The following FRMD4B variants were observed in gnomAD, a reference collection of about 807,000 sequenced individuals.
The protein encoded by FRMD4B is FERM domain-containing protein 4B.
A neutral mutation model predicts 141.5 loss-of-function variants in FRMD4B; 74 were observed. The ratio of observed to expected loss-of-function variants is 0.52; its 90% CI spans 0.43 to 0.63. The LOEUF is 0.63. Among genes scored for constraint, FRMD4B ranks in the 30% least tolerant of loss-of-function variants. FRMD4B has a pLI of 0.00. For synonymous variants in FRMD4B, 506 were observed against 467.9 expected (o/e 1.08, Z -1.05); for missense variants, 1,366 against 1,253.4 (o/e 1.09, Z -1.36).
rs184330651 is a variant in FRMD4B, at chr3:69,218,462, G to A, written c.732-83C>T. The A allele has an allele frequency of 9.1e-5, 58 of 638,658 alleles. 2 individuals are homozygous for A. The highest frequency in any genetic ancestry group is 3.7e-4 in the Middle Eastern group (1 of 2,716). The allele number at this position is 638,658 out of a possible 1,614,324, so 39.6% of individuals were successfully genotyped here. ...GAAAAGTGATTTAAAGAAACACCAC[G>A]TTTCTACTTTCCTTATTATAAGAAT... On this transcript the variant is annotated intron_variant, in intron 9 of 22. Transcript: ENST00000398540.
rs537420962 is a variant in FRMD4B, at chr3:69,536,625, G to T, written c.-129+5581C>A. On this transcript the variant is annotated intron_variant, in intron 1 of 5. Transcript: ENST00000459638. Reference sequence around the variant, plus strand: ...CAGGCCTGGCTTTTCAGATTCAGGAGACCTGGATGATCCTGCTGTGGAAGT... The same window carrying T: ...CAGGCCTGGCTTTTCAGATTCAGGATACCTGGATGATCCTGCTGTGGAAGT... The T allele has an allele frequency of 2.1e-4, 208 of 1,006,204 alleles. 2 individuals are homozygous for T. The highest frequency in any genetic ancestry group is 1.8e-3 in the Middle Eastern group (8 of 4,420). 62.3% of individuals were successfully genotyped at this position (1,006,204 alleles called of 1,614,324 possible). A position where few individuals can be genotyped will look rare whatever the true frequency, so the allele number is the denominator to read the frequency against.
At chr3:69,311,385 C>CAACCAAATTGCTTCT in intron 2 of FRMD4B, 28 bp from the exon 3 acceptor site, 2 of 1,211,434 alleles carry the variant, frequency 1.7e-6, no homozygotes, top group Non-Finnish European at 2.4e-6. Flanking sequence ...TGGTTAGAAG[C>CAACCAAATTGCTTCT]AATTTGGTTG....
At chr3:69,498,551 T>C (rs1206001256) in intron 1 of FRMD4B, among the ~76,000 whole-genome samples, 1 of 152,236 alleles carries the variant, frequency 6.6e-6, no homozygotes, top group African/African-American at 2.4e-5. Context: ...TTTCTGGGAA[T>C]TGTTGATAGT....
intron 11 of FRMD4B, chr3:69,200,637 C>T (rs2092956532): frequency 1.6e-6 from 2 of 1,223,814 alleles, no homozygotes; most frequent in Non-Finnish European, 2.1e-6. Flanking sequence ...TTCCTCCCAT[C>T]AGGGAGAGGA....
chr3:69,385,766 C>T (rs866124828), intron 1 of FRMD4B, 62 bp downstream of exon 1: 36 of 1,383,658 alleles, frequency 2.6e-5, no homozygotes, highest in Middle Eastern at 2.3e-4. Context: ...CAGGTGGAGC[C>T]TGCTTCCCAC....
intron 5 of FRMD4B, among the ~76,000 whole-genome samples, chr3:69,263,144 C>A (rs564228710): frequency 1.3e-5 from 2 of 152,176 alleles, no homozygotes; most frequent in East Asian, 3.9e-4. Context: ...GTAGTCCCAG[C>A]TACTCAGGAG....
At chr3:69,236,437 C>A (rs1294433204) in intron 7 of FRMD4B, among the ~76,000 whole-genome samples, 3 of 152,066 alleles carry the variant, frequency 2.0e-5, no homozygotes, top group Non-Finnish European at 4.4e-5. Context: ...CCATGTTGGC[C>A]AGGCTGGTCT....
At chr3:69,521,635 G>A (rs957753303) in intron 1 of FRMD4B, among the ~76,000 whole-genome samples, 2 of 152,096 alleles carry the variant, frequency 1.3e-5, no homozygotes, top group African/African-American at 4.8e-5. Context: ...GGCCATCTTT[G>A]ATTTAATCTT....
intron 1 of FRMD4B, among the ~76,000 whole-genome samples, chr3:69,503,641 A>G (rs1028309188): frequency 1.1e-4 from 16 of 152,168 alleles, no homozygotes; most frequent in African/African-American, 3.9e-4. Context: ...ATATGTAACA[A>G]TCCTGCACGT....
chr3:69,212,371 A>G (rs1251303433), intron 11 of FRMD4B, among the ~76,000 whole-genome samples: 1 of 86,904 alleles, frequency 1.2e-5, no homozygotes, highest in Non-Finnish European at 2.3e-5. Context: ...AAAAAAAAAA[A>G]AAAAAAAAAG....
At chr3:69,456,086 T>A (rs1705605612) in intron 1 of FRMD4B, among the ~76,000 whole-genome samples, 3 of 152,328 alleles carry the variant, frequency 2.0e-5, no homozygotes, top group African/African-American at 7.2e-5. Flanking sequence ...CTAAAGAACT[T>A]GTGAGCTTTC....
chr3:69,181,426 T>C lies in FRMD4B; in HGVS notation c.2324A>G (p.Asn775Ser), dbSNP rs887123101. 6.2e-7 allele frequency: 1 copy of C among 1,613,922 alleles called. No individual in the cohort carries two copies. The highest frequency in any genetic ancestry group is 1.7e-5 in the Admixed American group (1 of 60,002). Residue 775 changes from asparagine (N) to serine (S), a missense_variant, in exon 21 of 23, where the codon AAT becomes AGT. Coordinates refer to ENST00000398540, the MANE Select transcript of FRMD4B (RefSeq NM_015123.3). ...TGCTAGGTTGGGCATGCTTCCTGAATTTGAAGTAGAAACATTCTGTTTCTT... is the reference window on the plus strand; with the variant it reads ...TGCTAGGTTGGGCATGCTTCCTGAACTTGAAGTAGAAACATTCTGTTTCTT... Reference protein sequence around the residue: ...RSKKQNVSTSNSGSMPNLAQK... With the variant: ...RSKKQNVSTSSSGSMPNLAQK...
chr3:69,445,355 T>C (rs1002005004), intron 1 of FRMD4B, among the ~76,000 whole-genome samples: 1 of 152,240 alleles, frequency 6.6e-6, no homozygotes, highest in Non-Finnish European at 1.5e-5. Context: ...GTCTCTGCTC[T>C]AACAGCAGAC....
chr3:69,442,728 C>A (rs977521040), intron 1 of FRMD4B, among the ~76,000 whole-genome samples: 1 of 152,164 alleles, frequency 6.6e-6, no homozygotes, highest in African/African-American at 2.4e-5. Flanking sequence ...GAGGGCATTG[C>A]GGATCCATGT....
At chr3:69,388,941 A>G (rs1704324840), upstream of FRMD4B, among the ~76,000 whole-genome samples, 1 of 151,962 alleles carries the variant, frequency 6.6e-6, no homozygotes, top group African/African-American at 2.4e-5. Flanking sequence ...CCATCACAAG[A>G]ATAGTGTACA....
At chr3:69,273,357 A>T (rs984427014) in intron 5 of FRMD4B, among the ~76,000 whole-genome samples, 2 of 152,228 alleles carry the variant, frequency 1.3e-5, no homozygotes, top group Non-Finnish European at 2.9e-5. Flanking sequence ...TATGTCTCCA[A>T]AAGACACTTA....
rs184897643 is a variant in FRMD4B, at chr3:69,400,978, G to A, written c.-1+31656C>T. The stretch of plus-strand genomic sequence containing the variant: ...GATTAACTACAGGAGTACAGAGAAT[G>A]TCAATGGTTACCGGCATTCTTTACT... On this transcript the variant is annotated intron_variant, in intron 2 of 5. Transcript: ENST00000459638. 5.8e-4 allele frequency among the ~76,000 whole-genome samples: 89 copies of A among 152,296 alleles called. 1 individual carries two copies. Among genetic ancestry groups the A allele is most frequent in the African/African-American group, 1.9e-3 (80 of 41,564 alleles).
chr3:69,476,286 T>C (rs922412403), intron 1 of FRMD4B, among the ~76,000 whole-genome samples: 7 of 152,184 alleles, frequency 4.6e-5, no homozygotes, highest in African/African-American at 1.7e-4. Flanking sequence ...CCCATGCCTA[T>C]GTCCTTAATG....
intron 2 of FRMD4B, among the ~76,000 whole-genome samples, chr3:69,413,051 C>G (rs1041749702): frequency 4.0e-5 from 6 of 151,764 alleles, no homozygotes; most frequent in African/African-American, 1.2e-4. Flanking sequence ...TGCAGTAATT[C>G]CATTGTCTAT....
Sources: allele counts gnomAD v4.1 joint callset (sites outside exome capture counted in the v4.1 genomes callset), GRCh38; gene constraint gnomAD v4.1.1; transcripts MANE v1.5; gene names NCBI Gene and HGNC (gene_info 2026-07-23, HGNC 2026-07-21).